The following KLHL29 variants were observed in gnomAD, a reference collection of about 807,000 sequenced individuals.
KLHL29 encodes the protein kelch-like protein 29.
In KLHL29, 21 loss-of-function variants were observed where a neutral mutation model predicts 80.4. The ratio of observed to expected loss-of-function variants is 0.26; its 90% CI spans 0.19 to 0.38. The LOEUF is 0.38. KLHL29 is among the 10% of genes least tolerant of loss of function. The pLI is 1.00. For synonymous variants in KLHL29, 511 were observed against 526.8 expected, an observed-to-expected ratio of 0.97 and a Z score of 0.41; for missense variants, 867 against 1,223.9, an observed-to-expected ratio of 0.71 and a Z score of 4.35.
At chr2:23,510,829 G>A (rs1367520888) in intron 2 of KLHL29, among the ~76,000 whole-genome samples, 2 of 152,180 alleles carry the variant, frequency 1.3e-5, no homozygotes, top group Admixed American at 6.5e-5. Context: ...AGTGACAGGC[G>A]GCCGAGTCAG....
chr2:23,402,175 G>A (rs906759764), intron 1 of KLHL29, among the ~76,000 whole-genome samples: 11 of 152,178 alleles, frequency 7.2e-5, no homozygotes, highest in African/African-American at 2.4e-4. Context: ...TGGGAGGGCC[G>A]TCTGGGTGAG....
At chr2:23,565,583 G>T (rs1667570865) in intron 3 of KLHL29, among the ~76,000 whole-genome samples, 1 of 150,816 alleles carries the variant, frequency 6.6e-6, no homozygotes. Flanking sequence ...CAAGGGAAGG[G>T]AGTTTAAAGC....
chr2:23,536,477 A>T (rs566933184), intron 2 of KLHL29, among the ~76,000 whole-genome samples: 4 of 152,260 alleles, frequency 2.6e-5, no homozygotes, highest in African/African-American at 9.6e-5. Context: ...GGAGAGTTTA[A>T]AGGAGGCTGA....
At chr2:23,423,624 A>G (rs2103403791) in intron 1 of KLHL29, among the ~76,000 whole-genome samples, 1 of 152,228 alleles carries the variant, frequency 6.6e-6, no homozygotes, top group African/African-American at 2.4e-5. Context: ...CCATGGGGTC[A>G]GTCAGAGAGG....
At chr2:23,523,931 A>C (rs1278840831) in intron 2 of KLHL29, 1 of 465,444 alleles carries the variant, frequency 2.1e-6, no homozygotes, top group African/African-American at 2.0e-5. Flanking sequence ...GGAAAGAGGG[A>C]CCTTGAAGTA....
intron 1 of KLHL29, among the ~76,000 whole-genome samples, chr2:23,441,017 G>T (rs1402488295): frequency 6.6e-6 from 1 of 152,154 alleles, no homozygotes; most frequent in Non-Finnish European, 1.5e-5. Context: ...CTGCTATAAA[G>T]ACACATGCAC....
At chr2:23,452,274 A>G (rs1239512014) in intron 1 of KLHL29, among the ~76,000 whole-genome samples, 2 of 151,458 alleles carry the variant, frequency 1.3e-5, no homozygotes, top group Non-Finnish European at 2.9e-5. Context: ...CTCCAACCGC[A>G]GTCTCCCAAA....
intron 2 of KLHL29, among the ~76,000 whole-genome samples, chr2:23,479,588 C>T (rs1012508863): frequency 6.6e-6 from 1 of 152,184 alleles, no homozygotes; most frequent in African/African-American, 2.4e-5. Context: ...CCAGACTTGA[C>T]TCCCAGATGG....
At chr2:23,613,487 C>T (rs187609917) in intron 3 of KLHL29, among the ~76,000 whole-genome samples, 20 of 152,100 alleles carry the variant, frequency 1.3e-4, no homozygotes, top group Middle Eastern at 3.2e-3. Context: ...CATCCTTGGC[C>T]GGGCACGGTG....
chr2:23,604,979 G>A (rs549980849), intron 3 of KLHL29, among the ~76,000 whole-genome samples: 5 of 152,306 alleles, frequency 3.3e-5, no homozygotes, highest in African/African-American at 1.2e-4. Flanking sequence ...GGGAGGGTCC[G>A]CTGAGCGCCC....
At position 23,453,485 on chromosome 2, in the gene KLHL29, A is replaced by G. The variant is rs546917713; in HGVS notation, c.-153-22075A>G. The stretch of plus-strand genomic sequence containing the variant: ...AGCATTTTCCTTCCTGCCACATGGG[A>G]ATTCTGGGGAAAGAGCTCACCTTGA... On this transcript the variant is annotated intron_variant, in intron 1 of 13. Coordinates refer to ENST00000486442, the MANE Select transcript of KLHL29 (RefSeq NM_052920.2). Among the ~76,000 whole-genome samples, 5 of 152,362 alleles carry G rather than the reference A, an allele frequency of 3.3e-5. No individual in the cohort carries two copies. In the South Asian group the frequency reaches 6.2e-4, roughly 19 times the overall value.
In KLHL29 at chr2:23,684,803, C is replaced by T. The variant is rs747114637; in HGVS notation, c.1079+266C>T. On this transcript the variant is annotated intron_variant, in intron 6 of 13. Coordinates refer to ENST00000486442, the MANE Select transcript of KLHL29 (RefSeq NM_052920.2). This position sits in a 1 kb window ranked among gnomAD's most constrained non-coding sequence, Gnocchi z 4.4. ...ACCAGGGGCCTCTGCCAGCAGTAGACAACACCGTGCCCCACCCCTGAGATC... is the reference window on the plus strand; with the variant it reads ...ACCAGGGGCCTCTGCCAGCAGTAGATAACACCGTGCCCCACCCCTGAGATC... Among the ~76,000 whole-genome samples, 1 of 152,132 alleles carries T rather than the reference C, an allele frequency of 6.6e-6. No homozygotes were observed. The highest frequency in any genetic ancestry group is 1.5e-5 in the Non-Finnish European group (1 of 67,992).
chr2:23,690,833 T>C (rs1671548247), intron 6 of KLHL29: 1 of 152,316 alleles, frequency 6.6e-6, no homozygotes. Flanking sequence ...TGTATTCCTG[T>C]AGACACCAGA....
chr2:23,474,488 C>T (rs930842698), intron 1 of KLHL29, among the ~76,000 whole-genome samples: 4 of 152,180 alleles, frequency 2.6e-5, no homozygotes, highest in African/African-American at 7.2e-5. Context: ...AATTAAATGG[C>T]GACCTTGGCT....
chr2:23,692,444 G>T (rs960701163), intron 7 of KLHL29, among the ~76,000 whole-genome samples: 1 of 152,244 alleles, frequency 6.6e-6, no homozygotes, highest in African/African-American at 2.4e-5. Flanking sequence ...CGACGGCAAG[G>T]TGAGGGAGGG....
chr2:23,395,963 C>CA (rs1414396836), intron 1 of KLHL29, among the ~76,000 whole-genome samples: 18 of 152,294 alleles, frequency 1.2e-4, no homozygotes, highest in Non-Finnish European at 5.9e-5. Context: ...GTGATGTAAA[C>CA]AAAAACCCAA....
intron 1 of KLHL29, among the ~76,000 whole-genome samples, chr2:23,443,985 A>G (rs890879024): frequency 6.6e-6 from 1 of 152,218 alleles, no homozygotes; most frequent in African/African-American, 2.4e-5. Context: ...TTAAAATCCT[A>G]TCATTCTTTC....
In KLHL29 at chr2:23,512,624, A is replaced by G. The variant is rs1572368092; in HGVS notation, c.-46+36957A>G. 3.3e-5 allele frequency among the ~76,000 whole-genome samples: 5 copies of G among 152,368 alleles called. No homozygotes were observed. The South Asian group carries it at 1.0e-3, about 32-fold the overall frequency. On this transcript the variant is annotated intron_variant, in intron 2 of 13. Transcript: ENST00000486442. ...GATGTTCTGCGAATTTACTTCAAAC[A>G]AGATATCACGGCTGTTCTCTAAGGA...
chr2:23,494,273 A>C (rs1665191462), intron 2 of KLHL29, among the ~76,000 whole-genome samples: 1 of 152,224 alleles, frequency 6.6e-6, no homozygotes, highest in Non-Finnish European at 1.5e-5. Flanking sequence ...ATGGCAACTG[A>C]ATAGCAACAA....
Sources: allele counts gnomAD v4.1 joint callset (sites outside exome capture counted in the v4.1 genomes callset), GRCh38; gene constraint gnomAD v4.1.1; non-coding constraint Gnocchi (gnomAD v3.1); transcripts MANE v1.5; gene names NCBI Gene and HGNC (gene_info 2026-07-23, HGNC 2026-07-21).